Variants in MRPL30 observed in about 807,000 individuals in gnomAD.
The protein encoded by MRPL30 is mitochondrial ribosomal protein L30.
A neutral mutation model predicts 17.2 loss-of-function variants in MRPL30; 10 were observed. The observed-to-expected ratio is 0.58, with a 90% CI of 0.36 to 0.99. MRPL30 has a LOEUF of 0.99. MRPL30 is among the 50% of genes least tolerant of loss of function. The pLI is 0.01. For synonymous variants in MRPL30, 61 were observed against 62.1 expected (o/e 0.98, Z 0.08); for missense variants, 170 against 189.8 (o/e 0.90, Z 0.61).
Position 99,195,142 on chromosome 2 carries a change from T to C in MRPL30, c.306T>C (p.Asn102=), listed in dbSNP as rs1166491583. Residue 102 remains asparagine (N), a synonymous_variant, in exon 5 of 6, where the codon AAT becomes AAC. Coordinates refer to ENST00000338148, the MANE Select transcript of MRPL30 (RefSeq NM_145212.4). The part of the protein sequence containing the change: ...EKAHTPQVHK[N]IPSVNAKLKV... ...CACATACCCCTCAAGTTCACAAGAA[T>C]ATCCCTTCAGTGAATGCAAAATTGA... 1 of 1,604,168 alleles carries C rather than the reference T, an allele frequency of 6.2e-7. No individual in the cohort carries two copies. Among genetic ancestry groups the C allele is most frequent in the Non-Finnish European group, 8.5e-7 (1 of 1,177,186 alleles).
At chr2:99,195,282 T>C in intron 5 of MRPL30, 93 bp downstream of exon 5, 1 of 1,302,882 alleles carries the variant, frequency 7.7e-7, no homozygotes, top group Non-Finnish European at 1.1e-6. Context: ...TGAAAAAAAC[T>C]TTTTAAAAAA....
chr2:99,187,641 C>T (rs905775799), intron 2 of MRPL30, among the ~76,000 whole-genome samples: 4 of 151,966 alleles, frequency 2.6e-5, no homozygotes, highest in African/African-American at 7.2e-5. Context: ...CTGGCTAACA[C>T]GGTGAAACCC....
intron 1 of MRPL30, among the ~76,000 whole-genome samples, chr2:99,183,896 TC>T (rs1232919526): frequency 6.6e-6 from 1 of 152,206 alleles, no homozygotes; most frequent in Non-Finnish European, 1.5e-5. Flanking sequence ...TTCCTTAGGC[TC>T]CTCTTAACTG....
chr2:99,182,164 T>G (rs535987036), intron 1 of MRPL30, among the ~76,000 whole-genome samples: 17 of 152,328 alleles, frequency 1.1e-4, no homozygotes, highest in African/African-American at 3.8e-4. Flanking sequence ...ACTTCTCCTG[T>G]GATGCCTGAT....
chr2:99,188,044 G>C (rs984994171), intron 2 of MRPL30, 133 bp from the exon 3 acceptor site: 3 of 609,380 alleles, frequency 4.9e-6, no homozygotes, highest in Non-Finnish European at 8.6e-6. Context: ...CGTTCACTCA[G>C]CTAGGGAGCT....
chr2:99,181,245 T>A lies in MRPL30; in HGVS notation c.-32T>A. The A allele has an allele frequency of 2.3e-6, 1 of 437,342 alleles. No homozygotes were observed. Among genetic ancestry groups the A allele is most frequent in the Non-Finnish European group, 4.1e-6 (1 of 243,100 alleles). The allele number at this position is 437,342 out of a possible 1,614,324, so 27.1% of individuals were successfully genotyped here. On this transcript the variant is annotated 5_prime_UTR_variant, in exon 1 of 6. Transcript: ENST00000338148. ...AATTTCAGGCTGAAGGTTTAGCGGG[T>A]GCCGGTGAGTGGGGAATGAGTGGCG...
rs2093954667 is a variant in MRPL30, at chr2:99,196,036, G to A, written c.*331G>A. 4 of 276,530 alleles carry A rather than the reference G, an allele frequency of 1.4e-5. No individual in the cohort carries two copies. The highest frequency in any genetic ancestry group is 2.8e-5 in the Non-Finnish European group (4 of 144,950). The allele number at this position is 276,530 out of a possible 1,614,324, so 17.1% of individuals were successfully genotyped here. A position where few individuals can be genotyped will look rare whatever the true frequency, so the allele number is the denominator to read the frequency against. ...GCAGAGGTTGCAGTGAGCTGAGATG[G>A]TGCCACTGTACTCCAGCCTGGGTGA... On this transcript the variant is annotated 3_prime_UTR_variant, in exon 6 of 6. Coordinates refer to ENST00000338148, the MANE Select transcript of MRPL30 (RefSeq NM_145212.4).
At chr2:99,181,798 C>T (rs2093922907) in intron 1 of MRPL30, among the ~76,000 whole-genome samples, 2 of 152,154 alleles carry the variant, frequency 1.3e-5, no homozygotes, top group South Asian at 4.1e-4. Flanking sequence ...ATGAGGGCTG[C>T]CTACTGCTTG....
chr2:99,182,528 C>T (rs1217285275), intron 1 of MRPL30, among the ~76,000 whole-genome samples: 3 of 152,230 alleles, frequency 2.0e-5, no homozygotes, highest in African/African-American at 7.2e-5. Context: ...GCACTCCAGC[C>T]TGGGCGACAG....
intron 3 of MRPL30, 27 bp from the exon 4 acceptor site, chr2:99,194,724 T>C (rs749061065): frequency 6.4e-7 from 1 of 1,559,384 alleles, no homozygotes; most frequent in Admixed American, 2.3e-5. Flanking sequence ...GTTGGAAATT[T>C]ACCATTTATA....
Position 99,198,929 on chromosome 2 carries a change from A to G in MRPL30, c.*3224A>G, listed in dbSNP as rs190162932. Among the ~76,000 whole-genome samples, 83 of 152,004 alleles carry G rather than the reference A, an allele frequency of 5.5e-4. No individual in the cohort carries two copies. Among genetic ancestry groups the G allele is most frequent in the African/African-American group, 2.0e-3 (81 of 41,454 alleles). On this transcript the variant is annotated 3_prime_UTR_variant, in exon 6 of 6. Coordinates refer to ENST00000338148, the MANE Select transcript of MRPL30 (RefSeq NM_145212.4). ...TAAAATTGTACCTCTTTCAGGCCAAACACCTATTTTCTTCATTTTTTTTTT... is the reference window on the plus strand; with the variant it reads ...TAAAATTGTACCTCTTTCAGGCCAAGCACCTATTTTCTTCATTTTTTTTTT...
At chr2:99,193,778 C>T (rs2093950779) in intron 3 of MRPL30, among the ~76,000 whole-genome samples, 1 of 152,134 alleles carries the variant, frequency 6.6e-6, no homozygotes, top group African/African-American at 2.4e-5. Flanking sequence ...GTGGTTCACA[C>T]CTGTAATCCT....
chr2:99,184,390 A>G (rs567596702), intron 1 of MRPL30, among the ~76,000 whole-genome samples: 1 of 152,288 alleles, frequency 6.6e-6, no homozygotes, highest in South Asian at 2.1e-4. Context: ...TAGCCCATGT[A>G]TATATGCATA....
At position 99,198,878 on chromosome 2, in the gene MRPL30, G is replaced by A. The variant is rs1333100230; in HGVS notation, c.*3173G>A. Among the ~76,000 whole-genome samples, 2 of 152,122 alleles carry A rather than the reference G, an allele frequency of 1.3e-5. No homozygotes were observed. Among genetic ancestry groups the A allele is most frequent in the Non-Finnish European group, 2.9e-5 (2 of 68,030 alleles). ...CCAAACACTACCTTTAAGGACGACT[G>A]CAGTTCTCTTAGGGTCTCCTCAATC... On this transcript the variant is annotated 3_prime_UTR_variant, in exon 6 of 6. Coordinates refer to ENST00000338148, the MANE Select transcript of MRPL30 (RefSeq NM_145212.4).
At chr2:99,184,537 G>A (rs2093930843) in intron 1 of MRPL30, among the ~76,000 whole-genome samples, 1 of 152,056 alleles carries the variant, frequency 6.6e-6, no homozygotes, top group Non-Finnish European at 1.5e-5. Flanking sequence ...TGAGAATCCT[G>A]GCTCTCTGGA....
In MRPL30 at chr2:99,195,226, T is replaced by A. The variant is rs772552617; in HGVS notation, c.353+37T>A. 3.3e-6 allele frequency: 5 copies of A among 1,530,232 alleles called. No individual in the cohort carries two copies. In the South Asian group the frequency reaches 6.1e-5, roughly 19 times the overall value. The allele number at this position is 1,530,232 out of a possible 1,614,324, so 94.8% of individuals were successfully genotyped here. On this transcript the variant is annotated intron_variant, in intron 5 of 5. Coordinates refer to ENST00000338148, the MANE Select transcript of MRPL30 (RefSeq NM_145212.4). ...CTTCTCAGCTCTTTTTAAAATGTAT[T>A]GCCTAGTGTAATTCTAAATGCATTT...
At chr2:99,185,891 C>A in intron 1 of MRPL30, 1 of 434,028 alleles carries the variant, frequency 2.3e-6, no homozygotes. Flanking sequence ...TCTTTATCTG[C>A]CTTCATTGTT....
At chr2:99,191,341 G>C (rs891034334) in intron 3 of MRPL30, among the ~76,000 whole-genome samples, 1 of 152,090 alleles carries the variant, frequency 6.6e-6, no homozygotes, top group Non-Finnish European at 1.5e-5. Context: ...GTATTCTCCT[G>C]TATTCTCAAC....
chr2:99,187,768 C>T lies in MRPL30; in HGVS notation c.52-409C>T, dbSNP rs141560446. On this transcript the variant is annotated intron_variant, in intron 2 of 5. Transcript: ENST00000338148. ...GCGTGAACCCAGGAGGCAGAGGTTG[C>T]AGTGAGCCGAGATTGCGCCAGTGCA... Among the ~76,000 whole-genome samples the T allele has an allele frequency of 6.4e-3, 966 of 151,802 alleles. 13 individuals are homozygous for T. The highest frequency in any genetic ancestry group is 0.023 in the African/African-American group (935 of 41,416).
Sources: allele counts gnomAD v4.1 joint callset (sites outside exome capture counted in the v4.1 genomes callset), GRCh38; gene constraint gnomAD v4.1.1; transcripts MANE v1.5; gene names NCBI Gene and HGNC (gene_info 2026-07-23, HGNC 2026-07-21).